SEMA3G: variants seen among roughly 807,000 people sequenced by gnomAD.
SEMA3G encodes semaphorin-3G.
A neutral mutation model predicts 86.2 loss-of-function variants in SEMA3G; 70 were observed. The observed-to-expected ratio is 0.81, with a 90% confidence interval of 0.67 to 0.99. The LOEUF (loss-of-function observed/expected upper bound fraction) is 0.99, where lower values mean the gene tolerates loss of function less well. Ranked by LOEUF, SEMA3G falls within the 50% of genes least tolerant of loss-of-function variation. SEMA3G has a pLI of 0.00. For missense variants in SEMA3G, 1,002 were observed against 1,072.4 expected (o/e 0.93, Z 0.92); for synonymous variants, 416 against 441.4 (o/e 0.94, Z 0.72).
intron 14 of SEMA3G, 133 bp downstream of exon 14, chr3:52,437,838 G>A: frequency 1.8e-6 from 2 of 1,103,810 alleles, no homozygotes; most frequent in Non-Finnish European, 2.6e-6. Flanking sequence ...ACTAGCAGGA[G>A]CTACACAGAG....
chr3:52,439,689 C>T lies in SEMA3G; in HGVS notation c.1458G>A (p.Gln486=). Reference sequence around the variant, plus strand: ...TCAGCCCCTTGCTTACCTTAAACACCTGGAGCTCCTCCAGAACCACTTCCT... The same window carrying T: ...TCAGCCCCTTGCTTACCTTAAACACTTGGAGCTCCTCCAGAACCACTTCCT... The part of the protein sequence containing the change: ...EPEEVVLEEL[Q]VFKVPTPITE... Residue 486 remains glutamine (Q), a synonymous_variant, in exon 12 of 16, where the codon CAG becomes CAA. Coordinates refer to ENST00000231721, the MANE Select transcript of SEMA3G (RefSeq NM_020163.3). 6.2e-7 allele frequency: 1 copy of T among 1,613,866 alleles called. No individual in the cohort carries two copies. Among genetic ancestry groups the T allele is most frequent in the Non-Finnish European group, 8.5e-7 (1 of 1,179,854 alleles).
intron 9 of SEMA3G, 62 bp from the exon 10 acceptor site, chr3:52,440,583 T>A: frequency 6.4e-7 from 1 of 1,554,192 alleles, no homozygotes; most frequent in East Asian, 2.3e-5. Flanking sequence ...GGGAACAGCC[T>A]GGTTCCATGG....
At chr3:52,443,216 G>A (rs1706194095) in intron 1 of SEMA3G, 1 of 496,106 alleles carries the variant, frequency 2.0e-6, no homozygotes, top group Non-Finnish European at 3.6e-6. Context: ...CAGTCCCCAG[G>A]GAAGAAGGCC....
intron 13 of SEMA3G, 145 bp downstream of exon 13, chr3:52,438,775 T>C: frequency 3.4e-6 from 5 of 1,487,190 alleles, no homozygotes; most frequent in Non-Finnish European, 3.6e-6. Flanking sequence ...TGGCCACTTG[T>C]TGCAGGGGCG....
In SEMA3G at chr3:52,433,533, A is replaced by G. The variant is rs1463734817; in HGVS notation, c.*2070T>C. The G allele has an allele frequency of 6.6e-6, 1 of 152,670 alleles. No individual in the cohort carries two copies. The highest frequency in any genetic ancestry group is 1.5e-5 in the Non-Finnish European group (1 of 68,056). 9.5% of individuals were successfully genotyped at this position (152,670 alleles called of 1,614,324 possible). A position where few individuals can be genotyped will look rare whatever the true frequency, so the allele number is the denominator to read the frequency against. On this transcript the variant is annotated 3_prime_UTR_variant, in exon 16 of 16. Transcript: ENST00000231721. ...ATTTACGGGGCGTTTCCAGGAGTTA[A>G]TAGCATACAGTACCATGGGTAGGGT... is the stretch of plus-strand genomic sequence containing the variant.
At chr3:52,443,066 G>A (rs1196083249) in intron 1 of SEMA3G, 159 bp from the exon 2 acceptor site, 1 of 1,531,690 alleles carries the variant, frequency 6.5e-7, no homozygotes, top group Non-Finnish European at 8.7e-7. Context: ...TCGGACCATG[G>A]CTCCTGGGGA....
Position 52,435,770 on chromosome 3 carries a change from G to T in SEMA3G, c.2182C>A (p.Arg728Ser), listed in dbSNP as rs758775695. 28 of 1,613,980 alleles carry T rather than the reference G, an allele frequency of 1.7e-5. No homozygotes were observed. The highest frequency in any genetic ancestry group is 8.5e-6 in the Non-Finnish European group (10 of 1,180,028). The change falls in exon 16 of 16, where the codon CGC becomes AGC. Residue 728 changes from arginine to serine, a missense_variant. Transcript: ENST00000231721. ...TCCGTGGTGCCCCTGCACCACACGC[G>T]CTCACAGTACTCATCCACCCGGGGC... ...NLPRVDEYCE[R>S]VWCRGTTECS...
chr3:52,439,699 T>C lies in SEMA3G; in HGVS notation c.1448A>G (p.Glu483Gly). Residue 483 changes from glutamate to glycine, a missense_variant, in exon 12 of 16, where the codon GAG becomes GGG. Glu to Gly is a moderately conservative substitution (Grantham distance 98). Transcript: ENST00000231721. ...GCTTACCTTAAACACCTGGAGCTCC[T>C]CCAGAACCACTTCCTCAGGTTCAGC... is the stretch of plus-strand genomic sequence containing the variant. ...GSAEPEEVVL[E>G]ELQVFKVPTP... is the part of the protein sequence containing the mutation. 6.2e-7 allele frequency: 1 copy of C among 1,613,708 alleles called. No individual in the cohort carries two copies. Among genetic ancestry groups the C allele is most frequent in the Non-Finnish European group, 8.5e-7 (1 of 1,179,780 alleles).
Position 52,442,294 on chromosome 3 carries a change from G to A in SEMA3G, c.350C>T (p.Ala117Val). 6.2e-7 allele frequency: 1 copy of A among 1,613,808 alleles called. No individual in the cohort carries two copies. The highest frequency in any genetic ancestry group is 1.3e-5 in the African/African-American group (1 of 74,996). ...AGGCTGTAGCACCCGCACGAAGTTGGCGCACTCTGTCTGCGGGGAGAAGGA... is the reference window on the plus strand; with the variant it reads ...AGGCTGTAGCACCCGCACGAAGTTGACGCACTCTGTCTGCGGGGAGAAGGA... The part of the protein sequence containing the change: ...RKGRDPLTEC[A>V]NFVRVLQPHN... Residue 117 changes from alanine (A) to valine (V), a missense_variant, in exon 4 of 16, where the codon GCC (alanine) becomes GTC (valine). By Grantham distance (64) the Ala-to-Val change is moderately conservative (BLOSUM62 0). Transcript: ENST00000231721. The surrounding 1 kb of genome is among the most constrained non-coding windows in gnomAD (Gnocchi z 6.1).
chr3:52,437,099 A>T (rs1351272799), intron 15 of SEMA3G, among the ~76,000 whole-genome samples: 1 of 152,142 alleles, frequency 6.6e-6, no homozygotes, highest in Non-Finnish European at 1.5e-5. Flanking sequence ...AGGGACCCAG[A>T]AGGTTCTCTT....
chr3:52,441,870 G>C lies in SEMA3G; in HGVS notation c.499C>G (p.Arg167Gly), dbSNP rs56380397. The C allele has an allele frequency of 1.9e-6, 3 of 1,590,514 alleles. No homozygotes were observed. Among genetic ancestry groups the C allele is most frequent in the Middle Eastern group, 1.7e-4 (1 of 6,010 alleles). ...CTGGGCTCGTGAGGGCACCGCCCCC[G>C]GCCACTTTCCACACTGCCAGGCTCC... ...HLEPGSVESG[R>G]GRCPHEPSRP... Residue 167 changes from arginine to glycine, a missense_variant, in exon 5 of 16, where the codon CGG becomes GGG. Transcript: ENST00000231721.
In SEMA3G at chr3:52,436,065, C is replaced by A; in HGVS notation, c.1887G>T (p.Thr629=). 6.2e-7 allele frequency: 1 copy of A among 1,606,008 alleles called. No individual in the cohort carries two copies. Residue 629 remains threonine, a synonymous_variant, in exon 16 of 16, where the codon ACG becomes ACT. Coordinates refer to ENST00000231721, the MANE Select transcript of SEMA3G (RefSeq NM_020163.3). ...PGDEGPDQVK[T]DERVLHTERG... is the part of the protein sequence containing the mutation. ...GCTCCGTGTGCAAGACTCGCTCGTC[C>A]GTCTTCACCTGCCATGCGGGCGGGA...
Position 52,435,389 on chromosome 3 carries a change from C to T in SEMA3G, c.*214G>A, listed in dbSNP as rs1706026411. On this transcript the variant is annotated 3_prime_UTR_variant, in exon 16 of 16. Transcript: ENST00000231721. Reference sequence around the variant, plus strand: ...GCCAGCAGCCAGAGGGTGCTGGCTCCAGCTGGGTCTAAGAGCACAGAGAAG... The same window carrying T: ...GCCAGCAGCCAGAGGGTGCTGGCTCTAGCTGGGTCTAAGAGCACAGAGAAG... The T allele has an allele frequency of 1.7e-6, 1 of 579,320 alleles. No individual in the cohort carries two copies. The highest frequency in any genetic ancestry group is 3.2e-5 in the Admixed American group (1 of 31,336). The allele number at this position is 579,320 out of a possible 1,614,324, so 35.9% of individuals were successfully genotyped here.
At position 52,433,773 on chromosome 3, in the gene SEMA3G, T is replaced by G. The variant is rs1157885196; in HGVS notation, c.*1830A>C. The G allele has an allele frequency of 6.6e-6, 1 of 152,644 alleles. No individual in the cohort carries two copies. Among genetic ancestry groups the G allele is most frequent in the Non-Finnish European group, 1.5e-5 (1 of 68,108 alleles). 9.5% of individuals were successfully genotyped at this position (152,644 alleles called of 1,614,324 possible). A position where few individuals can be genotyped will look rare whatever the true frequency, so the allele number is the denominator to read the frequency against. Reference sequence around the variant, plus strand: ...AGCTGGCTGCAGCTCTGATACCCTTTCCTGGAGCTCTGCACTCTCTCCTCC... The same window carrying G: ...AGCTGGCTGCAGCTCTGATACCCTTGCCTGGAGCTCTGCACTCTCTCCTCC... On this transcript the variant is annotated 3_prime_UTR_variant, in exon 16 of 16. Coordinates refer to ENST00000231721, the MANE Select transcript of SEMA3G (RefSeq NM_020163.3).
chr3:52,435,786 C>G lies in SEMA3G; in HGVS notation c.2166G>C (p.Val722=), dbSNP rs1373920553. Residue 722 remains valine, a synonymous_variant, in exon 16 of 16, where the codon GTG becomes GTC. Transcript: ENST00000231721. ...ACCACACGCGCTCACAGTACTCATC[C>G]ACCCGGGGCAGGTTGGCGAAGCCAA... The part of the protein sequence containing the change: ...QLIGFANLPR[V]DEYCERVWCR... The G allele has an allele frequency of 1.9e-6, 3 of 1,614,156 alleles. No individual in the cohort carries two copies. Among genetic ancestry groups the G allele is most frequent in the Non-Finnish European group, 1.7e-6 (2 of 1,180,024 alleles).
At position 52,442,437 on chromosome 3, in the gene SEMA3G, A is replaced by G; in HGVS notation, c.339+122T>C. On this transcript the variant is annotated intron_variant, in intron 3 of 15. Transcript: ENST00000231721. The surrounding 1 kb of genome is among the most constrained non-coding windows in gnomAD (Gnocchi z 6.1). ...GGTGTGACATTCCCAGCAGACCTTCAAAAGCCCTCAAGATCTGCTCCAAAT... is the reference window on the plus strand; with the variant it reads ...GGTGTGACATTCCCAGCAGACCTTCGAAAGCCCTCAAGATCTGCTCCAAAT... 1.5e-6 allele frequency: 2 copies of G among 1,322,650 alleles called. No individual in the cohort carries two copies. The highest frequency in any genetic ancestry group is 4.6e-5 in the East Asian group (2 of 43,310). The allele number at this position is 1,322,650 out of a possible 1,614,324, so 81.9% of individuals were successfully genotyped here. A position where few individuals can be genotyped will look rare whatever the true frequency, so the allele number is the denominator to read the frequency against.
chr3:52,438,024 T>C lies in SEMA3G; in HGVS notation c.1685A>G (p.Gln562Arg). Residue 562 changes from glutamine to arginine, a missense_variant, in exon 14 of 16, where the codon CAG (glutamine) becomes CGG (arginine). Transcript: ENST00000231721. ...GGCAGGGTTGCCGTGCCGGATGTCCTGCCGGCGGAACCGGCGCTTGCCAAG... is the reference window on the plus strand; with the variant it reads ...GGCAGGGTTGCCGTGCCGGATGTCCCGCCGGCGGAACCGGCGCTTGCCAAG... ...PSLGKRRFRR[Q>R]DIRHGNPALQ... The C allele has an allele frequency of 6.2e-7, 1 of 1,613,094 alleles. No individual in the cohort carries two copies. Among genetic ancestry groups the C allele is most frequent in the Non-Finnish European group, 8.5e-7 (1 of 1,179,990 alleles).
chr3:52,437,561 A>T lies in SEMA3G; in HGVS notation c.1844T>A (p.Leu615His). ...PKSPQAAVRW[L>H]LQRPGDEGPD... ...CCCCTCATCCCCTGGCCTCTGCAAG[A>T]GCCAGCGCACAGCAGCCTGGGGAGA... is the stretch of plus-strand genomic sequence containing the variant. Residue 615 changes from leucine (L) to histidine (H), a missense_variant, in exon 15 of 16, where the codon CTC (leucine) becomes CAC (histidine). By Grantham distance (99) the Leu-to-His change is moderately conservative. Transcript: ENST00000231721. The T allele has an allele frequency of 1.9e-6, 3 of 1,613,110 alleles. No homozygotes were observed. Among genetic ancestry groups the T allele is most frequent in the Non-Finnish European group, 2.5e-6 (3 of 1,179,950 alleles).
chr3:52,443,216 GGAA>G, intron 1 of SEMA3G: 4 of 496,106 alleles, frequency 8.1e-6, no homozygotes, highest in South Asian at 7.6e-5. Flanking sequence ...CAGTCCCCAG[GGAA>G]GAAGGCCCCA....
Sources: gnomAD v4.1 joint callset for allele counts (sites outside exome capture counted in the v4.1 genomes callset) on GRCh38, gnomAD v4.1.1 for gene constraint, Gnocchi (gnomAD v3.1) non-coding constraint, MANE v1.5 for transcripts, NCBI Gene and HGNC (gene_info 2026-07-23, HGNC 2026-07-21) for gene names.